Variants in OSBPL9 observed in about 807,000 individuals in gnomAD.
OSBPL9 encodes the protein oxysterol binding protein like 9.
Under a neutral mutation model 106.6 loss-of-function variants are expected in OSBPL9, and 40 were observed. The observed-to-expected ratio is 0.38, with a 90% CI of 0.29 to 0.49. The LOEUF (loss-of-function observed/expected upper bound fraction) is 0.49. OSBPL9 is among the 20% of genes least tolerant of loss of function. The probability of loss-of-function intolerance (pLI) is 0.97; values close to 1 mark genes in which losing one functional copy is unlikely to be tolerated. For missense variants in OSBPL9, 609 were observed against 887.2 expected (o/e 0.69, Z 3.98); for synonymous variants, 269 against 295.4 (o/e 0.91, Z 0.92).
chr1:51,726,295 G>C (rs903583893), intron 4 of OSBPL9, among the ~76,000 whole-genome samples: 1 of 152,018 alleles, frequency 6.6e-6, no homozygotes, highest in African/African-American at 2.4e-5. Flanking sequence ...AACAGTTGTT[G>C]GTTTTTCAGT....
intron 16 of OSBPL9, chr1:51,781,573 T>A (rs1371396688): frequency 2.7e-6 from 1 of 365,154 alleles, no homozygotes; most frequent in Non-Finnish European, 5.0e-6. Flanking sequence ...ATAATATAAT[T>A]TTATGGCTTT....
chr1:51,547,404 C>T, the OSBPL9 span, among the ~76,000 whole-genome samples: 1 of 152,266 alleles, frequency 6.6e-6, no homozygotes, highest in East Asian at 1.9e-4. Context: ...GCGATTAAAA[C>T]ATGATGTTAT....
chr1:51,656,495 A>G (rs550958646), intron 2 of OSBPL9, among the ~76,000 whole-genome samples: 1 of 152,118 alleles, frequency 6.6e-6, no homozygotes, highest in South Asian at 2.1e-4. Context: ...TATATCATGG[A>G]AGTTCTGCAC....
intron 20 of OSBPL9, 23 bp from the exon 21 acceptor site, chr1:51,785,785 C>G (rs759203827): frequency 6.2e-7 from 1 of 1,604,370 alleles, no homozygotes; most frequent in Non-Finnish European, 8.5e-7. Flanking sequence ...GAGACTAACA[C>G]AAGTATTTCC....
At chr1:51,777,058 A>G (rs1466523618) in intron 15 of OSBPL9, 140 bp downstream of exon 15, 2 of 654,160 alleles carry the variant, frequency 3.1e-6, no homozygotes, top group Non-Finnish European at 5.2e-6. Flanking sequence ...TAATGTGTTT[A>G]CACTGGTTGC....
intron 1 of OSBPL9, among the ~76,000 whole-genome samples, chr1:51,582,012 A>G (rs1434369116): frequency 6.6e-6 from 1 of 152,200 alleles, no homozygotes; most frequent in African/African-American, 2.4e-5. Context: ...CTTTTATTGG[A>G]CAATGGTATT....
chr1:51,730,748 T>C (rs1163825423), intron 4 of OSBPL9, among the ~76,000 whole-genome samples: 1 of 152,238 alleles, frequency 6.6e-6, no homozygotes, highest in Non-Finnish European at 1.5e-5. Flanking sequence ...CCAGTTTTGC[T>C]AATTTGAAGT....
intron 20 of OSBPL9, chr1:51,784,886 T>A (rs1454149360): frequency 5.7e-6 from 2 of 351,426 alleles, no homozygotes; most frequent in Non-Finnish European, 1.0e-5. Context: ...AATTTATTCT[T>A]GCCAGATTGA....
At chr1:51,746,153 A>C (rs1468078868) in intron 5 of OSBPL9, among the ~76,000 whole-genome samples, 1 of 152,198 alleles carries the variant, frequency 6.6e-6, no homozygotes, top group South Asian at 2.1e-4. Context: ...CATATTGGCC[A>C]GGCTGGTCTC....
chr1:51,642,640 A>C (rs374893358), intron 1 of OSBPL9, among the ~76,000 whole-genome samples: 13 of 152,310 alleles, frequency 8.5e-5, no homozygotes, highest in African/African-American at 3.1e-4. Context: ...TCACTTAGGA[A>C]AGGTAATAAG....
chr1:51,542,734 G>A, the OSBPL9 span, among the ~76,000 whole-genome samples: 1 of 152,156 alleles, frequency 6.6e-6, no homozygotes, highest in Admixed American at 6.5e-5. Context: ...TAAGAAACTA[G>A]GTCACTGGAC....
intron 3 of OSBPL9, among the ~76,000 whole-genome samples, chr1:51,700,831 T>G (rs1295235749): frequency 6.6e-6 from 1 of 152,232 alleles, no homozygotes; most frequent in Non-Finnish European, 1.5e-5. Context: ...TCTTCTCACT[T>G]TTGCCCATTG....
the OSBPL9 span, among the ~76,000 whole-genome samples, chr1:51,555,733 A>G: frequency 1.1e-4 from 16 of 151,586 alleles, no homozygotes; most frequent in South Asian, 2.1e-4. Flanking sequence ...ATGCCCGGCT[A>G]ATTTTTTTTT....
chr1:51,768,559 G>A (rs1673142572), intron 12 of OSBPL9, among the ~76,000 whole-genome samples: 1 of 152,228 alleles, frequency 6.6e-6, no homozygotes, highest in African/African-American at 2.4e-5. Flanking sequence ...GCAATTGAAT[G>A]TCACTTGCTA....
chr1:51,604,009 A>G (rs529849989), intron 2 of OSBPL9, among the ~76,000 whole-genome samples: 7 of 152,304 alleles, frequency 4.6e-5, no homozygotes, highest in South Asian at 4.1e-4. Context: ...AACTCCCTAT[A>G]CATCATTGGT....
chr1:51,673,603 G>C (rs1454723675), intron 3 of OSBPL9, among the ~76,000 whole-genome samples: 2 of 152,198 alleles, frequency 1.3e-5, no homozygotes, highest in Non-Finnish European at 2.9e-5. Context: ...TGGAGCATGG[G>C]CAGTTTATTC....
chr1:51,613,080 G>A (rs533513665), upstream of OSBPL9, among the ~76,000 whole-genome samples: 59 of 152,320 alleles, frequency 3.9e-4, no homozygotes, highest in South Asian at 1.0e-3. Flanking sequence ...CAGTTTCAAT[G>A]GAACAGATAA....
chr1:51,772,258 T>C (rs1258654786), intron 13 of OSBPL9, 76 bp downstream of exon 13: 10 of 1,248,994 alleles, frequency 8.0e-6, no homozygotes, highest in Non-Finnish European at 1.1e-5. Flanking sequence ...CATGCCGTAA[T>C]CCCAGCACTT....
At chr1:51,617,288 C>T (rs777563173) in intron 1 of OSBPL9, 67 bp downstream of exon 1, 4 of 1,487,396 alleles carry the variant, frequency 2.7e-6, no homozygotes, top group Non-Finnish European at 3.6e-6. Context: ...GGTGGGGGAC[C>T]GGGGTTTTAG....
Sources: allele counts gnomAD v4.1 joint callset (sites outside exome capture counted in the v4.1 genomes callset), GRCh38; gene constraint gnomAD v4.1.1; transcripts MANE v1.5; gene names NCBI Gene and HGNC (gene_info 2026-07-23, HGNC 2026-07-21).